The following ATG5 variants were observed in gnomAD, a reference collection of about 807,000 sequenced individuals.
ATG5 encodes autophagy related 5, also known as autophagy protein 5.
In ATG5, 14 loss-of-function variants were observed where a neutral mutation model predicts 36.5. The observed-to-expected ratio is 0.38, with a 90% CI of 0.25 to 0.60. ATG5 has a LOEUF of 0.60. Ranked by LOEUF, ATG5 falls within the 20% of genes least tolerant of loss-of-function variation. The pLI, the probability that ATG5 is intolerant of heterozygous loss-of-function variation, is 0.60. For synonymous variants in ATG5, 95 were observed against 101.5 expected (o/e 0.94, Z 0.38); for missense variants, 195 against 326.7 (o/e 0.60, Z 3.11).
chr6:106,220,514 G>A (rs993019698), intron 6 of ATG5, among the ~76,000 whole-genome samples: 2 of 152,044 alleles, frequency 1.3e-5, no homozygotes, highest in African/African-American at 4.8e-5. Flanking sequence ...AATAAAGATA[G>A]GACATTAGTC....
chr6:106,269,593 C>T (rs1030295313), intron 5 of ATG5, among the ~76,000 whole-genome samples: 5 of 152,340 alleles, frequency 3.3e-5, no homozygotes, highest in Middle Eastern at 3.4e-3. Context: ...AGTGCAGCGC[C>T]GGTGGGCCGT....
intron 7 of ATG5, among the ~76,000 whole-genome samples, chr6:106,199,876 T>C (rs73522612): frequency 0.086 from 13,021 of 152,242 alleles, 587 homozygotes; most frequent in South Asian, 0.13. Flanking sequence ...GATACATGGA[T>C]GTGTGTAAGA....
chr6:106,308,300 G>A, intron 3 of ATG5, 64 bp downstream of exon 3: 2 of 1,352,698 alleles, frequency 1.5e-6, no homozygotes, highest in Non-Finnish European at 1.9e-6. Context: ...ATTGTTTCAG[G>A]GCACTATACC....
At chr6:106,229,640 C>G (rs768419311) in intron 6 of ATG5, among the ~76,000 whole-genome samples, 2 of 152,172 alleles carry the variant, frequency 1.3e-5, no homozygotes, top group African/African-American at 2.4e-5. Flanking sequence ...GTCTTCTCCG[C>G]GACCCTATAA....
chr6:106,213,923 A>G (rs1203771748), intron 6 of ATG5, among the ~76,000 whole-genome samples: 1 of 152,224 alleles, frequency 6.6e-6, no homozygotes, highest in Non-Finnish European at 1.5e-5. Context: ...CAAGAAAGGT[A>G]ACAGTATTTA....
chr6:106,249,168 T>C (rs183832107), intron 5 of ATG5, among the ~76,000 whole-genome samples: 16 of 152,270 alleles, frequency 1.1e-4, no homozygotes, highest in Non-Finnish European at 1.9e-4. Context: ...CCTTTTAAAG[T>C]ATACAACTTA....
chr6:106,290,133 C>A (rs900696542), intron 4 of ATG5, among the ~76,000 whole-genome samples: 10 of 151,474 alleles, frequency 6.6e-5, no homozygotes, highest in African/African-American at 1.9e-4. Context: ...CTCAAGTGAT[C>A]CTTCCACTTC....
intron 6 of ATG5, among the ~76,000 whole-genome samples, chr6:106,204,409 T>C (rs949453582): frequency 6.6e-6 from 1 of 152,210 alleles, no homozygotes; most frequent in Non-Finnish European, 1.5e-5. Context: ...ATCTTGATAA[T>C]ATGCATTGAA....
rs1292773080 is a variant in ATG5 at position 106,186,296 on chromosome 6, T to C, written c.*244A>G. ...ATTATATTTTACAGAAGACCTTCAG[T>C]GGTCCGGTAAGTCTTTCATGTCACA... On this transcript the variant is annotated 3_prime_UTR_variant, in exon 8 of 8. Coordinates refer to ENST00000369076, the MANE Select transcript of ATG5 (RefSeq NM_004849.4). 2.7e-5 allele frequency: 12 copies of C among 441,558 alleles called. No individual in the cohort carries two copies. Among genetic ancestry groups the C allele is most frequent in the Non-Finnish European group, 4.4e-5 (11 of 249,790 alleles). 27.4% of individuals were successfully genotyped at this position (441,558 alleles called of 1,614,324 possible).
At chr6:106,289,435 T>C (rs1399534414) in intron 4 of ATG5, among the ~76,000 whole-genome samples, 1 of 152,038 alleles carries the variant, frequency 6.6e-6, no homozygotes, top group Non-Finnish European at 1.5e-5. Context: ...AACTTTCCTC[T>C]AACAGGCCAG....
chr6:106,302,327 G>C (rs17066720), intron 3 of ATG5, among the ~76,000 whole-genome samples: 3,623 of 152,166 alleles, frequency 0.024, 60 homozygotes, highest in African/African-American at 0.047. Flanking sequence ...CTGGAAAGAA[G>C]TGGGATCATG....
intron 6 of ATG5, among the ~76,000 whole-genome samples, chr6:106,242,430 GA>G (rs1778164587): frequency 6.6e-6 from 1 of 152,160 alleles, no homozygotes. Context: ...GTAGAATGGG[GA>G]AACAGAGAGT....
chr6:106,310,130 C>A (rs530955597), intron 2 of ATG5, among the ~76,000 whole-genome samples: 34 of 152,188 alleles, frequency 2.2e-4, no homozygotes, highest in African/African-American at 7.5e-4. Flanking sequence ...CTGTTTTGTT[C>A]AATGCTACAT....
At chr6:106,227,503 G>GA (rs1777493555) in intron 6 of ATG5, among the ~76,000 whole-genome samples, 1 of 152,198 alleles carries the variant, frequency 6.6e-6, no homozygotes, top group Non-Finnish European at 1.5e-5. Flanking sequence ...GGCTAAGGTG[G>GA]AAAGATCGCT....
chr6:106,263,271 G>A (rs1217455463), intron 5 of ATG5, among the ~76,000 whole-genome samples: 4 of 152,242 alleles, frequency 2.6e-5, no homozygotes, highest in South Asian at 2.1e-4. Context: ...CAAAGTGGCT[G>A]TGGCCAGAGT....
chr6:106,299,985 C>T (rs181789982), intron 3 of ATG5, among the ~76,000 whole-genome samples: 2 of 152,290 alleles, frequency 1.3e-5, no homozygotes, highest in Admixed American at 1.3e-4. Context: ...GCTGTGAATA[C>T]TGACTTACTC....
intron 6 of ATG5, among the ~76,000 whole-genome samples, chr6:106,207,867 G>C (rs1776698735): frequency 6.6e-6 from 1 of 152,182 alleles, no homozygotes; most frequent in Non-Finnish European, 1.5e-5. Flanking sequence ...GCCGAGGAGG[G>C]AGGATCACGA....
At chr6:106,237,106 T>C (rs1318067652) in intron 6 of ATG5, among the ~76,000 whole-genome samples, 1 of 152,232 alleles carries the variant, frequency 6.6e-6, no homozygotes, top group East Asian at 1.9e-4. Flanking sequence ...CTGTTCTACT[T>C]TGGTAAATCA....
At chr6:106,306,494 T>C (rs577336949) in intron 3 of ATG5, among the ~76,000 whole-genome samples, 28 of 152,290 alleles carry the variant, frequency 1.8e-4, no homozygotes, top group African/African-American at 6.5e-4. Context: ...CTGGCACTTG[T>C]AGGAAGAGGC....
Sources: gnomAD v4.1 joint callset for allele counts (sites outside exome capture counted in the v4.1 genomes callset) on GRCh38, gnomAD v4.1.1 for gene constraint, MANE v1.5 for transcripts, NCBI Gene and HGNC (gene_info 2026-07-23, HGNC 2026-07-21) for gene names.